The following RAPGEF6 variants were observed in gnomAD, a reference collection of about 807,000 sequenced individuals.
The protein encoded by RAPGEF6 is Rap guanine nucleotide exchange factor 6.
In RAPGEF6, 56 loss-of-function variants were observed where a neutral mutation model predicts 171.4. The observed-to-expected ratio is 0.33, with a 90% CI of 0.26 to 0.41. The LOEUF is 0.41. Ranked by LOEUF, RAPGEF6 falls within the 10% of genes least tolerant of loss-of-function variation. RAPGEF6 has a pLI of 1.00. For missense variants in RAPGEF6, 1,674 were observed against 1,921.4 expected, an observed-to-expected ratio of 0.87 and a Z score of 2.41; for synonymous variants, 692 against 650.1, an observed-to-expected ratio of 1.06 and a Z score of -0.98.
intron 2 of RAPGEF6, 130 bp downstream of exon 2, chr5:131,604,493 G>C: frequency 1.0e-6 from 1 of 976,964 alleles, no homozygotes; most frequent in Non-Finnish European, 1.5e-6. Context: ...GGAAACCAGG[G>C]ATCTAATCTA....
intron 1 of RAPGEF6, among the ~76,000 whole-genome samples, chr5:131,613,133 A>G (rs1165784896): frequency 6.6e-6 from 1 of 152,206 alleles, no homozygotes; most frequent in Non-Finnish European, 1.5e-5. Context: ...CATTATGGCC[A>G]GGTGTGGTGG....
intron 5 of RAPGEF6, among the ~76,000 whole-genome samples, chr5:131,550,444 A>G (rs1760849424): frequency 6.6e-6 from 1 of 152,196 alleles, no homozygotes; most frequent in Non-Finnish European, 1.5e-5. Context: ...TCCCACAAAA[A>G]TTCTAATTAG....
intron 7 of RAPGEF6, among the ~76,000 whole-genome samples, chr5:131,517,889 A>G (rs971090180): frequency 2.0e-5 from 3 of 151,882 alleles, no homozygotes; most frequent in Admixed American, 1.3e-4. Context: ...TTTGGAGGGT[A>G]TATCTTATCA....
intron 18 of RAPGEF6, among the ~76,000 whole-genome samples, chr5:131,463,322 T>C (rs1754068336): frequency 6.6e-6 from 1 of 152,188 alleles, no homozygotes; most frequent in Non-Finnish European, 1.5e-5. Context: ...CTCACACTCG[T>C]AATGCCAGCA....
intron 7 of RAPGEF6, among the ~76,000 whole-genome samples, chr5:131,516,873 T>C (rs752761103): frequency 6.6e-6 from 1 of 152,196 alleles, no homozygotes; most frequent in Non-Finnish European, 1.5e-5. Flanking sequence ...GTACATGCTA[T>C]ATTTTGAAGT....
At chr5:131,547,866 G>C (rs1760654055) in intron 6 of RAPGEF6, among the ~76,000 whole-genome samples, 181 bp downstream of exon 6, 2 of 151,844 alleles carry the variant, frequency 1.3e-5, no homozygotes, top group Non-Finnish European at 2.9e-5. Context: ...AACTCCCACT[G>C]GTAAGAGCAT....
intron 13 of RAPGEF6, 48 bp from the exon 14 acceptor site, chr5:131,492,833 A>G (rs755840100): frequency 6.5e-7 from 1 of 1,528,410 alleles, no homozygotes; most frequent in Non-Finnish European, 9.0e-7. Flanking sequence ...CTATTCCTAT[A>G]GGTTTTTAAA....
chr5:131,579,881 A>G (rs1170328581), intron 4 of RAPGEF6, among the ~76,000 whole-genome samples: 1 of 152,212 alleles, frequency 6.6e-6, no homozygotes, highest in Non-Finnish European at 1.5e-5. Flanking sequence ...CCTGAGCTAG[A>G]CACAGAGTGC....
At chr5:131,576,931 C>A (rs574924618) in intron 4 of RAPGEF6, among the ~76,000 whole-genome samples, 114 of 152,180 alleles carry the variant, frequency 7.5e-4, no homozygotes, top group Non-Finnish European at 1.4e-3. Flanking sequence ...CCATCTGCTA[C>A]TCTACCACCC....
intron 15 of RAPGEF6, among the ~76,000 whole-genome samples, chr5:131,480,174 T>A (rs1215935588): frequency 6.6e-6 from 1 of 152,224 alleles, no homozygotes; most frequent in Non-Finnish European, 1.5e-5. Context: ...GTTTGAACTA[T>A]GTGGGTCCAT....
intron 20 of RAPGEF6, among the ~76,000 whole-genome samples, chr5:131,453,605 A>AAAAAC (rs1219892123): frequency 1.3e-5 from 2 of 152,240 alleles, no homozygotes; most frequent in African/African-American, 4.8e-5. Flanking sequence ...AAATCCACAA[A>AAAAAC]AAAACAAAAC....
At chr5:131,529,151 C>CG (rs1270268922) in intron 6 of RAPGEF6, among the ~76,000 whole-genome samples, 5 of 143,548 alleles carry the variant, frequency 3.5e-5, no homozygotes, top group Admixed American at 1.4e-4. Context: ...AGAGAGACCA[C>CG]GGAAAAAAAA....
At position 131,492,726 on chromosome 5, in the gene RAPGEF6, T is replaced by C. The variant is rs779339303; in HGVS notation, c.1587A>G (p.Arg529=). ...NIACAAKAKW[R]QVVLQKASRE... ...GGGAAGCCTTTTGCAGCACAACCTG[T>C]CTCCACTTAGCCTTTGCAGCACAGG... Residue 529 remains arginine (R), a synonymous_variant, in exon 14 of 28, where the codon AGA becomes AGG. Transcript: ENST00000509018. The C allele has an allele frequency of 1.2e-6, 2 of 1,614,054 alleles. No individual in the cohort carries two copies. Among genetic ancestry groups the C allele is most frequent in the Non-Finnish European group, 1.7e-6 (2 of 1,179,938 alleles).
At chr5:131,626,050 G>A (rs1014122650) in intron 1 of RAPGEF6, among the ~76,000 whole-genome samples, 5 of 152,004 alleles carry the variant, frequency 3.3e-5, no homozygotes, top group African/African-American at 9.7e-5. Flanking sequence ...ACCCTGCAAC[G>A]GTTCTTTCTC....
At chr5:131,455,411 A>C (rs143778265) in intron 20 of RAPGEF6, among the ~76,000 whole-genome samples, 3 of 152,070 alleles carry the variant, frequency 2.0e-5, no homozygotes, top group African/African-American at 4.8e-5. Flanking sequence ...GGCGGCCGCC[A>C]CCACCCCCGG....
At chr5:131,462,160 C>CA in intron 18 of RAPGEF6, 72 bp from the exon 19 acceptor site, 1 of 1,171,666 alleles carries the variant, frequency 8.5e-7, no homozygotes. Context: ...TCCTTTTTGT[C>CA]GTTGTAAAAT....
At chr5:131,481,282 G>C (rs1025155706) in intron 15 of RAPGEF6, among the ~76,000 whole-genome samples, 3 of 151,532 alleles carry the variant, frequency 2.0e-5, no homozygotes, top group African/African-American at 7.3e-5. Context: ...CTGGAGTTCA[G>C]TGGTGTGATC....
At chr5:131,619,965 G>C (rs988888944) in intron 1 of RAPGEF6, among the ~76,000 whole-genome samples, 2 of 152,152 alleles carry the variant, frequency 1.3e-5, no homozygotes, top group Non-Finnish European at 2.9e-5. Flanking sequence ...TTCTTTCACA[G>C]GGTTTCTTGA....
At chr5:131,551,490 C>T (rs1184587997) in intron 5 of RAPGEF6, among the ~76,000 whole-genome samples, 5 of 137,774 alleles carry the variant, frequency 3.6e-5, no homozygotes, top group African/African-American at 8.4e-5. Flanking sequence ...CTAGTCTGGG[C>T]GACAGAGTGA....
Sources: gnomAD v4.1 joint callset for allele counts (sites outside exome capture counted in the v4.1 genomes callset) on GRCh38, gnomAD v4.1.1 for gene constraint, MANE v1.5 for transcripts, NCBI Gene and HGNC (gene_info 2026-07-23, HGNC 2026-07-21) for gene names.